The following NETO1 variants were observed in gnomAD, a reference collection of about 807,000 sequenced individuals.
NETO1 encodes the protein neuropilin and tolloid-like protein 1.
Under a neutral mutation model 61.3 loss-of-function variants are expected in NETO1, and 26 were observed. The observed-to-expected ratio is 0.42, with a 90% CI of 0.31 to 0.59. The LOEUF (loss-of-function observed/expected upper bound fraction) is 0.59, where lower values mean the gene tolerates loss of function less well. NETO1 is among the 20% of genes least tolerant of loss of function. The pLI, the probability that NETO1 is intolerant of heterozygous loss-of-function variation, is 0.12. For synonymous variants in NETO1, 225 were observed against 225.8 expected (o/e 1.00, Z 0.03); for missense variants, 531 against 662.8 (o/e 0.80, Z 2.18).
At chr18:72,769,348 A>G (rs1270704067) in intron 7 of NETO1, among the ~76,000 whole-genome samples, 1 of 152,204 alleles carries the variant, frequency 6.6e-6, no homozygotes, top group Non-Finnish European at 1.5e-5. Flanking sequence ...ATTCTATTAC[A>G]GAGCAGAGTT....
At chr18:72,797,073 T>C (rs1020293934) in intron 4 of NETO1, among the ~76,000 whole-genome samples, 3 of 152,204 alleles carry the variant, frequency 2.0e-5, no homozygotes, top group South Asian at 2.1e-4. Flanking sequence ...TGACCTGTTA[T>C]CTAGACTTTT....
At chr18:72,769,266 T>C (rs1249441690) in intron 7 of NETO1, among the ~76,000 whole-genome samples, 1 of 152,190 alleles carries the variant, frequency 6.6e-6, no homozygotes, top group Non-Finnish European at 1.5e-5. Flanking sequence ...TCTGGTGGGC[T>C]TACCGTCAGG....
At chr18:72,756,738 C>T (rs996367992) in intron 7 of NETO1, among the ~76,000 whole-genome samples, 6 of 152,072 alleles carry the variant, frequency 3.9e-5, no homozygotes, top group Admixed American at 1.3e-4. Flanking sequence ...TAGCTTACTA[C>T]GCATGTATTT....
chr18:72,838,407 C>G (rs1353520231), intron 4 of NETO1, among the ~76,000 whole-genome samples: 5 of 152,174 alleles, frequency 3.3e-5, no homozygotes, highest in African/African-American at 7.2e-5. Context: ...TTTCATCTCC[C>G]TGATATGCCA....
intron 4 of NETO1, among the ~76,000 whole-genome samples, chr18:72,796,638 A>G (rs2072321865): frequency 6.6e-6 from 1 of 152,026 alleles, no homozygotes. Context: ...CACTGTGCCC[A>G]GCTAATTTTT....
chr18:72,743,711 T>C (rs1845035001), downstream of NETO1: 2 of 152,196 alleles, frequency 1.3e-5, no homozygotes, highest in Non-Finnish European at 2.9e-5. Context: ...CTAGCTATAT[T>C]GATATCACAC....
At chr18:72,831,346 G>C (rs553207093) in intron 4 of NETO1, among the ~76,000 whole-genome samples, 1 of 152,158 alleles carries the variant, frequency 6.6e-6, no homozygotes, top group African/African-American at 2.4e-5. Context: ...TTACAGTCTG[G>C]TGTGTCAGAT....
At chr18:72,783,990 T>C (rs1351201696) in intron 6 of NETO1, 84 bp from the exon 7 acceptor site, 2 of 902,444 alleles carry the variant, frequency 2.2e-6, no homozygotes, top group African/African-American at 3.3e-5. Context: ...TTTTTCAGTC[T>C]CACAAGACAA....
chr18:72,836,165 C>CAG (rs2073742055), intron 4 of NETO1, among the ~76,000 whole-genome samples: 2 of 152,192 alleles, frequency 1.3e-5, no homozygotes, highest in African/African-American at 4.8e-5. Context: ...CAGACGTGCC[C>CAG]TGCTGCTTCT....
In NETO1 at chr18:72,867,276, T is replaced by G. The variant is rs1261378556; in HGVS notation, c.16A>C (p.Ser6Arg). The G allele has an allele frequency of 9.6e-6, 15 of 1,570,212 alleles. No individual in the cohort carries two copies. The highest frequency in any genetic ancestry group is 1.2e-5 in the Non-Finnish European group (14 of 1,158,662). MIHGR[S>R]VLHIVASLII... ...GGAGGGTACTCACTGTGAAGCACGCTGCGCCCATGGATCATGTCTGTGCGT... is the reference window on the plus strand; with the variant it reads ...GGAGGGTACTCACTGTGAAGCACGCGGCGCCCATGGATCATGTCTGTGCGT... Residue 6 changes from serine (S) to arginine (R), a missense_variant, in exon 1 of 11, where the codon AGC (serine) becomes CGC (arginine). By Grantham distance (110) the Ser-to-Arg change is moderately radical (BLOSUM62 -1). Coordinates refer to ENST00000327305, the MANE Select transcript of NETO1 (RefSeq NM_138966.5).
At chr18:72,772,790 TA>T (rs1477660513) in intron 7 of NETO1, among the ~76,000 whole-genome samples, 2 of 98,652 alleles carry the variant, frequency 2.0e-5, no homozygotes, top group Non-Finnish European at 2.0e-5. Context: ...GATCTCTATA[TA>T]GTTCTCTCTC....
chr18:72,837,725 T>C (rs1232415018), intron 4 of NETO1, among the ~76,000 whole-genome samples: 2 of 152,186 alleles, frequency 1.3e-5, no homozygotes, highest in African/African-American at 4.8e-5. Context: ...CTGGCTAATG[T>C]AGAATTTCCT....
rs113194578 is a variant in NETO1 at position 72,847,592 on chromosome 18, G to GCCATAT, written c.469+11228_469+11233dup. ...TGCAAGTTATTCTGTTGGGGTTTTA[G>GCCATAT]CCATATTTATGCATAAAAATGGCAT... On this transcript the variant is annotated intron_variant, in intron 4 of 10. Coordinates refer to ENST00000327305, the MANE Select transcript of NETO1 (RefSeq NM_138966.5). 2.3e-3 allele frequency among the ~76,000 whole-genome samples: 356 copies of GCCATAT among 152,302 alleles called. 4 individuals carry two copies. The highest frequency in any genetic ancestry group is 8.3e-3 in the African/African-American group (345 of 41,566).
chr18:72,789,634 G>A (rs1434361884), intron 6 of NETO1, among the ~76,000 whole-genome samples: 1 of 152,234 alleles, frequency 6.6e-6, no homozygotes, highest in East Asian at 1.9e-4. Flanking sequence ...AGTTCTGTAG[G>A]TAGGAAGTAC....
intron 3 of NETO1, among the ~76,000 whole-genome samples, chr18:72,859,756 A>G (rs940020344): frequency 1.3e-5 from 2 of 152,150 alleles, no homozygotes; most frequent in African/African-American, 4.8e-5. Flanking sequence ...TCACACTTTC[A>G]TGGATTTTCT....
intron 4 of NETO1, among the ~76,000 whole-genome samples, chr18:72,801,469 A>G (rs985313316): frequency 6.6e-6 from 1 of 152,180 alleles, no homozygotes; most frequent in African/African-American, 2.4e-5. Flanking sequence ...ATGGCACACT[A>G]CTATGACTAA....
chr18:72,840,190 A>T (rs150458805), intron 4 of NETO1, among the ~76,000 whole-genome samples: 7 of 152,338 alleles, frequency 4.6e-5, no homozygotes, highest in African/African-American at 1.7e-4. Flanking sequence ...TGACAGGGAC[A>T]TTCTCCAGTG....
chr18:72,813,484 G>T (rs559957306), intron 4 of NETO1, among the ~76,000 whole-genome samples: 1 of 152,292 alleles, frequency 6.6e-6, no homozygotes, highest in African/African-American at 2.4e-5. Context: ...AATCTTGAAA[G>T]ATTCCAAATA....
chr18:72,821,109 T>C (rs932761915), intron 4 of NETO1, among the ~76,000 whole-genome samples: 1 of 151,876 alleles, frequency 6.6e-6, no homozygotes, highest in Non-Finnish European at 1.5e-5. Context: ...GAAACAGCTC[T>C]TTCAGCTTCC....
Sources: gnomAD v4.1 joint callset for allele counts (sites outside exome capture counted in the v4.1 genomes callset) on GRCh38, gnomAD v4.1.1 for gene constraint, MANE v1.5 for transcripts, NCBI Gene and HGNC (gene_info 2026-07-23, HGNC 2026-07-21) for gene names.